ZFHX3: variants seen among roughly 807,000 people sequenced by gnomAD.
The protein encoded by ZFHX3 is zinc finger homeobox protein 3.
ZFHX3 carries 42 observed loss-of-function variants against 279.1 expected under a neutral mutation model. The ratio of observed to expected loss-of-function variants is 0.15; its 90% CI spans 0.12 to 0.19. The LOEUF (loss-of-function observed/expected upper bound fraction) is 0.19, where lower values mean the gene tolerates loss of function less well. Ranked by LOEUF, ZFHX3 falls within the 10% of genes least tolerant of loss-of-function variation. The pLI, the probability that ZFHX3 is intolerant of heterozygous loss-of-function variation, is 1.00. For synonymous variants in ZFHX3, 2,293 were observed against 1,957.8 expected, an observed-to-expected ratio of 1.17 and a Z score of -4.52; for missense variants, 4,981 against 4,754.0, an observed-to-expected ratio of 1.05 and a Z score of -1.40.
chr16:73,119,153 C>T (rs567380779), intron 7 of ZFHX3, among the ~76,000 whole-genome samples: 1 of 152,088 alleles, frequency 6.6e-6, no homozygotes, highest in South Asian at 2.1e-4. Flanking sequence ...GCCCAGGCTG[C>T]AGTGCAGTGG....
intron 4 of ZFHX3, among the ~76,000 whole-genome samples, chr16:72,854,325 C>T (rs570731289): frequency 6.6e-6 from 1 of 152,304 alleles, no homozygotes; most frequent in East Asian, 1.9e-4. Context: ...TGGAATCTGT[C>T]ACTTCTATAC....
intron 7 of ZFHX3, among the ~76,000 whole-genome samples, chr16:73,116,401 T>C (rs1241053367): frequency 1.3e-5 from 2 of 152,118 alleles, no homozygotes; most frequent in Non-Finnish European, 2.9e-5. Context: ...AGAGGAGGAA[T>C]GAGAGTTTGA....
intron 2 of ZFHX3, among the ~76,000 whole-genome samples, chr16:73,582,949 C>A (rs1597011348): frequency 6.6e-6 from 1 of 152,164 alleles, no homozygotes; most frequent in Non-Finnish European, 1.5e-5. Context: ...TGTTGTACTG[C>A]CTTGTTTTAA....
intron 4 of ZFHX3, among the ~76,000 whole-genome samples, chr16:72,866,975 AAC>A (rs2038038148): frequency 6.6e-6 from 1 of 152,246 alleles, no homozygotes; most frequent in South Asian, 2.1e-4. Context: ...GCAAAATATG[AAC>A]AGTCATTATC....
intron 3 of ZFHX3, among the ~76,000 whole-genome samples, chr16:72,922,211 T>A (rs1193391455): frequency 6.6e-6 from 1 of 152,152 alleles, no homozygotes; most frequent in South Asian, 2.1e-4. Context: ...GACTACCCTA[T>A]CTTTACTCCT....
At chr16:73,753,844 T>C (rs1248149033) in intron 1 of ZFHX3, among the ~76,000 whole-genome samples, 1 of 152,004 alleles carries the variant, frequency 6.6e-6, no homozygotes, top group African/African-American at 2.4e-5. Context: ...GCTGACAAAA[T>C]ATTATGACCA....
intron 2 of ZFHX3, among the ~76,000 whole-genome samples, chr16:73,465,993 C>T (rs190505426): frequency 1.3e-5 from 2 of 151,590 alleles, no homozygotes; most frequent in East Asian, 3.9e-4. Context: ...GCACAGAGCT[C>T]TTCACAAAGA....
intron 3 of ZFHX3, among the ~76,000 whole-genome samples, chr16:73,360,151 T>A (rs532812155): frequency 1.4e-3 from 208 of 152,300 alleles, no homozygotes; most frequent in Non-Finnish European, 2.7e-3. Flanking sequence ...AGACAGTTAA[T>A]ATCTACAGCA....
chr16:73,036,123 C>T (rs570046663), intron 1 of ZFHX3, among the ~76,000 whole-genome samples: 2 of 152,212 alleles, frequency 1.3e-5, no homozygotes, highest in African/African-American at 2.4e-5. Context: ...CACGCGTGCG[C>T]GCGCATAGAC....
At chr16:72,839,334 T>C (rs902402234) in intron 4 of ZFHX3, among the ~76,000 whole-genome samples, 1 of 152,150 alleles carries the variant, frequency 6.6e-6, no homozygotes. Flanking sequence ...CTACCTTCAA[T>C]TGTACTTCAT....
intron 5 of ZFHX3, among the ~76,000 whole-genome samples, chr16:73,170,222 A>AGTTT (rs1967486862): frequency 5.4e-5 from 2 of 36,840 alleles, no homozygotes; most frequent in African/African-American, 1.1e-4. Context: ...TCCTTTCACT[A>AGTTT]GTTTTTTTTT....
At position 72,784,066 on chromosome 16, in the gene ZFHX3, G is replaced by A. The variant is rs2035240924; in HGVS notation, c.*3098C>T. On this transcript the variant is annotated 3_prime_UTR_variant, in exon 10 of 10. Coordinates refer to ENST00000268489, the MANE Select transcript of ZFHX3 (RefSeq NM_006885.4). ...TTTAGTTGCAGAGGAAAGCATTAAGGGTGCAACCCACTCCAGGTTGAAACA... is the reference window on the plus strand; with the variant it reads ...TTTAGTTGCAGAGGAAAGCATTAAGAGTGCAACCCACTCCAGGTTGAAACA... 6.6e-6 allele frequency: 1 copy of A among 152,454 alleles called. No homozygotes were observed. Among genetic ancestry groups the A allele is most frequent in the Non-Finnish European group, 1.5e-5 (1 of 68,026 alleles). 9.4% of individuals were successfully genotyped at this position (152,454 alleles called of 1,614,324 possible).
chr16:73,254,568 ATCCCC>A (rs1414577317), intron 5 of ZFHX3, among the ~76,000 whole-genome samples: 3 of 151,990 alleles, frequency 2.0e-5, no homozygotes, highest in African/African-American at 7.2e-5. Flanking sequence ...ATAGTACAGA[ATCCCC>A]TATACTCTTC....
intron 3 of ZFHX3, among the ~76,000 whole-genome samples, chr16:73,423,413 G>C (rs2017754125): frequency 6.6e-6 from 1 of 152,116 alleles, no homozygotes; most frequent in South Asian, 2.1e-4. Flanking sequence ...ACTTGCCCTA[G>C]GGTCTTATCC....
intron 6 of ZFHX3, among the ~76,000 whole-genome samples, chr16:73,138,295 A>G (rs908789726): frequency 6.6e-6 from 1 of 152,200 alleles, no homozygotes; most frequent in African/African-American, 2.4e-5. Flanking sequence ...CCCAGTGCCT[A>G]CTTTTACCCA....
chr16:73,697,372 C>T (rs1486352283), intron 1 of ZFHX3, among the ~76,000 whole-genome samples: 1 of 152,174 alleles, frequency 6.6e-6, no homozygotes, highest in Non-Finnish European at 1.5e-5. Flanking sequence ...AAATGAATCA[C>T]AGTTTCAAAA....
chr16:73,309,323 T>C (rs1231888277), intron 4 of ZFHX3, among the ~76,000 whole-genome samples: 1 of 152,136 alleles, frequency 6.6e-6, no homozygotes, highest in Non-Finnish European at 1.5e-5. Flanking sequence ...AGTGAGAACA[T>C]GTGATATTTC....
chr16:72,856,533 C>A (rs1364328385), intron 4 of ZFHX3, among the ~76,000 whole-genome samples: 1 of 152,172 alleles, frequency 6.6e-6, no homozygotes, highest in East Asian at 1.9e-4. Context: ...GAGAAGAAAG[C>A]AATCTACTTT....
At chr16:73,373,099 T>G (rs1262603647) in intron 3 of ZFHX3, among the ~76,000 whole-genome samples, 2 of 150,930 alleles carry the variant, frequency 1.3e-5, no homozygotes, top group African/African-American at 4.9e-5. Flanking sequence ...TAGAGACACC[T>G]GGGCCTGGGG....
Sources: gnomAD v4.1 joint callset for allele counts (sites outside exome capture counted in the v4.1 genomes callset) on GRCh38, gnomAD v4.1.1 for gene constraint, MANE v1.5 for transcripts, NCBI Gene and HGNC (gene_info 2026-07-23, HGNC 2026-07-21) for gene names.